The following TMEM132B variants were observed in gnomAD, a reference collection of about 807,000 sequenced individuals.
The protein encoded by TMEM132B is transmembrane protein 132B.
In TMEM132B, 18 loss-of-function variants were observed where a neutral mutation model predicts 90.8. The ratio of observed to expected loss-of-function variants is 0.20; its 90% CI spans 0.14 to 0.29. TMEM132B has a LOEUF of 0.29. TMEM132B is among the 10% of genes least tolerant of loss of function. TMEM132B has a pLI of 1.00. For synonymous variants in TMEM132B, 504 were observed against 523.3 expected, an observed-to-expected ratio of 0.96 and a Z score of 0.50; for missense variants, 1,096 against 1,326.8, an observed-to-expected ratio of 0.83 and a Z score of 2.70.
chr12:125,218,548 C>T (rs1198304377), intron 1 of TMEM132B, among the ~76,000 whole-genome samples: 1 of 152,030 alleles, frequency 6.6e-6, no homozygotes, highest in East Asian at 1.9e-4. Flanking sequence ...GAAGAAACCC[C>T]CACCCTGGCT....
intron 1 of TMEM132B, among the ~76,000 whole-genome samples, chr12:125,211,032 T>A (rs1873306531): frequency 6.6e-6 from 1 of 151,758 alleles, no homozygotes; most frequent in South Asian, 2.1e-4. Context: ...GCTTGTGCCA[T>A]TGCACTCCAG....
rs546769624 is a variant in TMEM132B at position 125,348,667 on chromosome 12, C to T, written c.68-785C>T. The stretch of plus-strand genomic sequence containing the variant: ...GTACTTATTAACTCGTTAATCCTTG[C>T]GGCAACCCAGTAAGGTAGAATTCAT... On this transcript the variant is annotated intron_variant, in intron 1 of 8. Transcript: ENST00000682704. 6.6e-5 allele frequency among the ~76,000 whole-genome samples: 10 copies of T among 152,220 alleles called. No individual in the cohort carries two copies. In the South Asian group the frequency reaches 8.3e-4, roughly 13 times the overall value.
At position 125,460,360 on chromosome 12, in the gene TMEM132B, T is replaced by C. The variant is rs1236647094; in HGVS notation, c.1106+44683T>C. Among the ~76,000 whole-genome samples, 5 of 151,930 alleles carry C rather than the reference T, an allele frequency of 3.3e-5. No individual in the cohort carries two copies. The East Asian group carries it at 5.8e-4, about 18-fold the overall frequency. ...TACAAGAATTAGCTGGGCATGGTGG[T>C]GGGCGCCTGTAATCTCAGCTACTCA... On this transcript the variant is annotated intron_variant, in intron 3 of 8. Transcript: ENST00000682704. This position sits in a 1 kb window ranked among gnomAD's most constrained non-coding sequence, Gnocchi z 4.4.
intron 1 of TMEM132B, among the ~76,000 whole-genome samples, chr12:125,195,866 G>T (rs1275621957): frequency 2.0e-5 from 3 of 152,210 alleles, no homozygotes; most frequent in Non-Finnish European, 4.4e-5. Context: ...TCGAGGGACA[G>T]AAGGGAGGCC....
chr12:125,351,165 T>C (rs1440344221), intron 2 of TMEM132B, among the ~76,000 whole-genome samples: 1 of 152,188 alleles, frequency 6.6e-6, no homozygotes, highest in East Asian at 1.9e-4. Flanking sequence ...TGAAAAGACA[T>C]CATGGGCCAT....
At chr12:125,243,790 A>G (rs1233273194) in intron 1 of TMEM132B, among the ~76,000 whole-genome samples, 1 of 152,134 alleles carries the variant, frequency 6.6e-6, no homozygotes, top group Non-Finnish European at 1.5e-5. Context: ...TCCCACTTGT[A>G]AGTGTAACCA....
intron 6 of TMEM132B, among the ~76,000 whole-genome samples, chr12:125,649,587 G>A (rs1208013468): frequency 6.6e-6 from 1 of 152,210 alleles, no homozygotes; most frequent in Non-Finnish European, 1.5e-5. Flanking sequence ...GCTGTTGTGT[G>A]CTGCGTGGGC....
intron 1 of TMEM132B, among the ~76,000 whole-genome samples, chr12:125,317,370 C>T (rs932981537): frequency 3.3e-5 from 5 of 152,140 alleles, no homozygotes; most frequent in Non-Finnish European, 5.9e-5. Flanking sequence ...CTGAGTCTCC[C>T]CTGCCCATCA....
chr12:125,652,204 A>G (rs929351084), intron 7 of TMEM132B, among the ~76,000 whole-genome samples: 4 of 152,282 alleles, frequency 2.6e-5, no homozygotes, highest in African/African-American at 2.4e-5. Context: ...TTCAGAAAAT[A>G]TACTGCTGTT....
At chr12:125,612,108 A>G (rs1885844239) in intron 5 of TMEM132B, among the ~76,000 whole-genome samples, 1 of 152,126 alleles carries the variant, frequency 6.6e-6, no homozygotes, top group East Asian at 1.9e-4. Context: ...ATATATTTAT[A>G]ATTGTTATTT....
chr12:125,494,894 G>A (rs537514389), intron 3 of TMEM132B, among the ~76,000 whole-genome samples: 4 of 90,274 alleles, frequency 4.4e-5, no homozygotes, highest in East Asian at 3.7e-4. Flanking sequence ...AAAAGGATGC[G>A]TCCCTCTCCC....
rs972402228 is a variant in TMEM132B, at chr12:125,367,203, C to G, written c.959+16860C>G. Among the ~76,000 whole-genome samples, 7 of 152,250 alleles carry G rather than the reference C, an allele frequency of 4.6e-5. No homozygotes were observed. The South Asian group carries it at 1.5e-3, about 32-fold the overall frequency. ...TGTCTTTTCACTCTGGAATGGGTCT[C>G]ATTTTTAAAAATCTTCATATTTTGG... On this transcript the variant is annotated intron_variant, in intron 2 of 8. Coordinates refer to ENST00000682704, the MANE Select transcript of TMEM132B (RefSeq NM_001366854.1).
chr12:125,598,218 ATGAAG>A (rs2136912441), intron 5 of TMEM132B, among the ~76,000 whole-genome samples: 1 of 152,320 alleles, frequency 6.6e-6, no homozygotes, highest in Non-Finnish European at 1.5e-5. Context: ...TTTAATGAAG[ATGAAG>A]TGAACACACA....
intron 4 of TMEM132B, among the ~76,000 whole-genome samples, chr12:125,562,832 G>T (rs1884566573): frequency 6.6e-6 from 1 of 152,066 alleles, no homozygotes; most frequent in African/African-American, 2.4e-5. Flanking sequence ...TGCCACGGTG[G>T]TGAGGTCTCT....
intron 3 of TMEM132B, among the ~76,000 whole-genome samples, chr12:125,502,050 G>A (rs1247913117): frequency 6.6e-6 from 1 of 152,224 alleles, no homozygotes; most frequent in African/African-American, 2.4e-5. Context: ...GTGTGCCCAT[G>A]TGCACATGTG....
chr12:125,594,095 C>G (rs1212062684), intron 5 of TMEM132B, among the ~76,000 whole-genome samples: 3 of 152,168 alleles, frequency 2.0e-5, no homozygotes, highest in Non-Finnish European at 4.4e-5. Flanking sequence ...AGCCACTCAT[C>G]TTCTCTTTCT....
chr12:125,287,947 A>T (rs978022949), intron 1 of TMEM132B, among the ~76,000 whole-genome samples: 1 of 151,960 alleles, frequency 6.6e-6, no homozygotes, highest in Non-Finnish European at 1.5e-5. Flanking sequence ...GGCTCACTGC[A>T]ACCTCTGCCT....
At chr12:125,377,504 CT>C (rs1878529614) in intron 2 of TMEM132B, among the ~76,000 whole-genome samples, 1 of 152,114 alleles carries the variant, frequency 6.6e-6, no homozygotes, top group African/African-American at 2.4e-5. Flanking sequence ...TCAGTACCCC[CT>C]GCTATAAAAT....
chr12:125,517,739 C>T (rs773914784), intron 3 of TMEM132B, among the ~76,000 whole-genome samples: 23 of 152,208 alleles, frequency 1.5e-4, no homozygotes, highest in Non-Finnish European at 2.9e-4. Context: ...CATAATTCTA[C>T]TGAAAGTAGA....
Sources: allele counts gnomAD v4.1 joint callset (sites outside exome capture counted in the v4.1 genomes callset), GRCh38; gene constraint gnomAD v4.1.1; non-coding constraint Gnocchi (gnomAD v3.1); transcripts MANE v1.5; gene names NCBI Gene and HGNC (gene_info 2026-07-23, HGNC 2026-07-21).